Variants in TENM3 observed in about 807,000 individuals in gnomAD.
TENM3 encodes the protein teneurin transmembrane protein 3.
TENM3 carries 63 observed loss-of-function variants against 255.1 expected under a neutral mutation model. That is an observed-to-expected ratio of 0.25 (90% confidence interval 0.20 to 0.30). The LOEUF is 0.30. TENM3 is among the 10% of genes least tolerant of loss of function. The pLI, the probability that TENM3 is intolerant of heterozygous loss-of-function variation, is 1.00. For missense variants in TENM3, 2,929 were observed against 3,461.1 expected (o/e 0.85, Z 3.86); for synonymous variants, 1,306 against 1,322.3 (o/e 0.99, Z 0.27).
intron 1 of TENM3, among the ~76,000 whole-genome samples, chr4:182,220,801 C>T (rs1053593820): frequency 6.6e-6 from 1 of 152,030 alleles, no homozygotes; most frequent in African/African-American, 2.4e-5. Context: ...TTTTAGTTCC[C>T]CTTTAATAAC....
At chr4:181,709,945 A>C in the TENM3 span, among the ~76,000 whole-genome samples, 5 of 152,162 alleles carry the variant, frequency 3.3e-5, no homozygotes, top group Non-Finnish European at 5.9e-5. Flanking sequence ...ACTGAAGAAG[A>C]AGTGTATTTG....
chr4:182,308,706 C>T (rs1250000862), intron 1 of TENM3, among the ~76,000 whole-genome samples: 1 of 152,056 alleles, frequency 6.6e-6, no homozygotes, highest in Non-Finnish European at 1.5e-5. Context: ...GTATAGGATA[C>T]GTGTTTCCTA....
At chr4:181,793,191 G>A in the TENM3 span, among the ~76,000 whole-genome samples, 4 of 152,184 alleles carry the variant, frequency 2.6e-5, no homozygotes, top group Non-Finnish European at 5.9e-5. Context: ...TGCATCCAGG[G>A]CTGGCCGGCG....
chr4:181,465,349 A>G, the TENM3 span, among the ~76,000 whole-genome samples: 1 of 151,374 alleles, frequency 6.6e-6, no homozygotes, highest in Non-Finnish European at 1.5e-5. Context: ...TTTCTCTTGC[A>G]TGGAATAGAC....
chr4:181,819,641 C>T, the TENM3 span, among the ~76,000 whole-genome samples: 1 of 152,192 alleles, frequency 6.6e-6, no homozygotes, highest in Non-Finnish European at 1.5e-5. Context: ...CAGGACGAAA[C>T]TGTTGCACCT....
At chr4:182,310,645 C>A (rs537426572) in intron 1 of TENM3, among the ~76,000 whole-genome samples, 1 of 151,238 alleles carries the variant, frequency 6.6e-6, no homozygotes, top group African/African-American at 2.4e-5. Flanking sequence ...CACCCCAACC[C>A]CTTTGTCTCC....
intron 3 of TENM3, among the ~76,000 whole-genome samples, chr4:182,360,747 A>G (rs1765908351): frequency 6.6e-6 from 1 of 151,842 alleles, no homozygotes; most frequent in Admixed American, 6.6e-5. Context: ...GTTATGTGTG[A>G]ATTTGAACCT....
chr4:181,744,292 C>T, the TENM3 span, among the ~76,000 whole-genome samples: 2 of 152,146 alleles, frequency 1.3e-5, 1 homozygote, highest in East Asian at 3.9e-4. Flanking sequence ...CATACCCACA[C>T]ATGTATCTTG....
At chr4:181,647,793 A>G in the TENM3 span, among the ~76,000 whole-genome samples, 1 of 152,274 alleles carries the variant, frequency 6.6e-6, no homozygotes, top group South Asian at 2.1e-4. Context: ...CTTGGTAGCG[A>G]AGAAACACGA....
chr4:182,294,304 A>G (rs1270489035), intron 1 of TENM3, among the ~76,000 whole-genome samples: 1 of 152,146 alleles, frequency 6.6e-6, no homozygotes, highest in African/African-American at 2.4e-5. Context: ...GAAGATCTCC[A>G]GACTGAAGAT....
At chr4:182,451,760 A>T (rs1022639413) in intron 3 of TENM3, among the ~76,000 whole-genome samples, 4 of 152,220 alleles carry the variant, frequency 2.6e-5, no homozygotes, top group Non-Finnish European at 5.9e-5. Context: ...ATTTAACAAG[A>T]CTCATTCAAT....
chr4:182,587,018 C>A (rs1053351491), intron 3 of TENM3, among the ~76,000 whole-genome samples: 1 of 152,102 alleles, frequency 6.6e-6, no homozygotes, highest in Non-Finnish European at 1.5e-5. Context: ...CAGACTGAAT[C>A]TTTTTGCTAA....
intron 3 of TENM3, among the ~76,000 whole-genome samples, chr4:182,561,542 G>C (rs1743183896): frequency 6.6e-6 from 1 of 151,654 alleles, no homozygotes; most frequent in African/African-American, 2.4e-5. Flanking sequence ...TTAGATTTCT[G>C]TAGTTTTGTT....
the TENM3 span, among the ~76,000 whole-genome samples, chr4:182,025,782 T>C: frequency 6.6e-6 from 1 of 152,172 alleles, no homozygotes; most frequent in Non-Finnish European, 1.5e-5. Flanking sequence ...TCAATGAAGC[T>C]GAGCACCTTT....
intron 5 of TENM3, among the ~76,000 whole-genome samples, chr4:182,641,356 G>C (rs1252630322): frequency 6.6e-6 from 1 of 152,090 alleles, no homozygotes; most frequent in Non-Finnish European, 1.5e-5. Context: ...TCAATAGTTG[G>C]ATCTTTCAGT....
At chr4:181,795,624 C>A in the TENM3 span, among the ~76,000 whole-genome samples, 1 of 152,068 alleles carries the variant, frequency 6.6e-6, no homozygotes, top group African/African-American at 2.4e-5. Flanking sequence ...CACCAAGTGG[C>A]TGATGTAATT....
At chr4:182,603,395 C>T (rs1748084832) in intron 4 of TENM3, among the ~76,000 whole-genome samples, 1 of 152,040 alleles carries the variant, frequency 6.6e-6, no homozygotes, top group African/African-American at 2.4e-5. Flanking sequence ...GTTACACTAA[C>T]AAATTTTAAT....
the TENM3 span, among the ~76,000 whole-genome samples, chr4:181,671,217 C>T: frequency 6.6e-6 from 1 of 152,032 alleles, no homozygotes. Context: ...GTCAACTTAC[C>T]TCCTATTATA....
At chr4:181,758,621 T>C in the TENM3 span, among the ~76,000 whole-genome samples, 1 of 152,178 alleles carries the variant, frequency 6.6e-6, no homozygotes, top group South Asian at 2.1e-4. Context: ...CGGAACAGAA[T>C]AGATTAATAA....
Sources: allele counts gnomAD v4.1 joint callset (sites outside exome capture counted in the v4.1 genomes callset), GRCh38; gene constraint gnomAD v4.1.1; transcripts MANE v1.5; gene names NCBI Gene and HGNC (gene_info 2026-07-23, HGNC 2026-07-21).